The following SPOCK1 variants were observed in gnomAD, a reference collection of about 807,000 sequenced individuals.
The protein encoded by SPOCK1 is SPARC (osteonectin), cwcv and kazal like domains proteoglycan 1.
In SPOCK1, 23 loss-of-function variants were observed where a neutral mutation model predicts 55.3. The observed-to-expected ratio is 0.42, with a 90% CI of 0.30 to 0.59. The LOEUF (loss-of-function observed/expected upper bound fraction) is 0.59. Among genes scored for constraint, SPOCK1 ranks in the 20% least tolerant of loss-of-function variants. The pLI is 0.22. For synonymous variants in SPOCK1, 226 were observed against 221.0 expected (o/e 1.02, Z -0.20); for missense variants, 499 against 552.5 (o/e 0.90, Z 0.97).
At chr5:137,253,648 G>A (rs1756580493) in intron 3 of SPOCK1, among the ~76,000 whole-genome samples, 1 of 152,152 alleles carries the variant, frequency 6.6e-6, no homozygotes, top group Non-Finnish European at 1.5e-5. Flanking sequence ...CACATCCCAG[G>A]AGCGGTGTCT....
At chr5:137,374,453 C>T (rs1448584124) in intron 2 of SPOCK1, among the ~76,000 whole-genome samples, 2 of 152,194 alleles carry the variant, frequency 1.3e-5, no homozygotes, top group Admixed American at 6.5e-5. Flanking sequence ...TCTGCCATTC[C>T]CATGATGAGC....
chr5:137,089,565 C>T (rs1580744994), intron 5 of SPOCK1, among the ~76,000 whole-genome samples: 1 of 152,160 alleles, frequency 6.6e-6, no homozygotes, highest in South Asian at 2.1e-4. Context: ...AGCATCTCCT[C>T]AGTGACCTAG....
At chr5:137,418,264 C>T (rs1359331237) in intron 2 of SPOCK1, among the ~76,000 whole-genome samples, 16 of 151,952 alleles carry the variant, frequency 1.1e-4, no homozygotes, top group African/African-American at 3.6e-4. Flanking sequence ...GCAATAAACA[C>T]ACGTGTACAT....
At chr5:137,489,454 C>T (rs1265838402) in intron 2 of SPOCK1, among the ~76,000 whole-genome samples, 3 of 152,166 alleles carry the variant, frequency 2.0e-5, no homozygotes, top group African/African-American at 7.2e-5. Context: ...AAGCCCAGGA[C>T]ATTTGACCAC....
chr5:137,143,810 G>T (rs1428946779), intron 3 of SPOCK1, among the ~76,000 whole-genome samples: 2 of 152,170 alleles, frequency 1.3e-5, no homozygotes, highest in Admixed American at 1.3e-4. Flanking sequence ...ACCAAAGGAG[G>T]TAGCTGCTAT....
intron 4 of SPOCK1, among the ~76,000 whole-genome samples, chr5:137,116,687 T>C (rs982651396): frequency 2.6e-5 from 4 of 151,290 alleles, no homozygotes; most frequent in African/African-American, 4.9e-5. Context: ...TCCTAGGGCA[T>C]AGTCTATACT....
chr5:137,093,873 T>C (rs1369148615), intron 5 of SPOCK1, among the ~76,000 whole-genome samples: 1 of 151,920 alleles, frequency 6.6e-6, no homozygotes, highest in Non-Finnish European at 1.5e-5. Context: ...GGGAGCAGGG[T>C]GAGGACACCA....
chr5:137,107,501 T>C (rs1487469617), intron 5 of SPOCK1, among the ~76,000 whole-genome samples: 1 of 152,226 alleles, frequency 6.6e-6, no homozygotes, highest in African/African-American at 2.4e-5. Context: ...TTATCTTTTA[T>C]GGATTATGCT....
intron 3 of SPOCK1, among the ~76,000 whole-genome samples, chr5:137,163,656 T>C (rs191296701): frequency 8.3e-4 from 126 of 152,320 alleles, no homozygotes; most frequent in Non-Finnish European, 1.4e-3. Flanking sequence ...TTTGATGACA[T>C]AAAATAATTA....
At chr5:137,064,220 G>A (rs1341274774) in intron 6 of SPOCK1, among the ~76,000 whole-genome samples, 1 of 152,140 alleles carries the variant, frequency 6.6e-6, no homozygotes, top group East Asian at 1.9e-4. Context: ...TAGCTCATAA[G>A]CCCTCAGCCC....
intron 2 of SPOCK1, among the ~76,000 whole-genome samples, chr5:137,438,077 G>A (rs1396753024): frequency 1.3e-5 from 2 of 152,082 alleles, no homozygotes; most frequent in Admixed American, 1.3e-4. Context: ...CCATGTTTTA[G>A]CATATGTCAG....
At chr5:137,474,363 G>T (rs1287668067) in intron 2 of SPOCK1, among the ~76,000 whole-genome samples, 2 of 152,114 alleles carry the variant, frequency 1.3e-5, no homozygotes. Flanking sequence ...TTGGAATTAG[G>T]TTTCTCACTG....
chr5:137,266,743 T>G lies in SPOCK1; in HGVS notation c.232+267A>C, dbSNP rs547610524. On this transcript the variant is annotated intron_variant, in intron 3 of 10. Transcript: ENST00000394945. ...ACCATGTTAATTTGATAATCAAATT[T>G]CACTTTTTTTTTAAAACAAAACGAA... Among the ~76,000 whole-genome samples the G allele has an allele frequency of 2.0e-5, 3 of 146,440 alleles. No homozygotes were observed. The East Asian group carries it at 6.7e-4, about 33-fold the overall frequency.
At chr5:137,468,533 T>C (rs894374555) in intron 2 of SPOCK1, among the ~76,000 whole-genome samples, 1 of 152,218 alleles carries the variant, frequency 6.6e-6, no homozygotes, top group Non-Finnish European at 1.5e-5. Context: ...CCTGGGCTAA[T>C]ATACTTATGA....
intron 3 of SPOCK1, among the ~76,000 whole-genome samples, chr5:137,254,625 C>T (rs1756599927): frequency 6.6e-6 from 1 of 152,248 alleles, no homozygotes; most frequent in African/African-American, 2.4e-5. Flanking sequence ...GCATTTCCCA[C>T]CCGTGTAAAG....
intron 2 of SPOCK1, among the ~76,000 whole-genome samples, chr5:137,396,641 T>A (rs1481207269): frequency 1.3e-5 from 2 of 152,200 alleles, no homozygotes; most frequent in Non-Finnish European, 2.9e-5. Flanking sequence ...CAATGAACAT[T>A]CTCTGGTTAT....
At chr5:137,294,844 T>G (rs996628131) in intron 2 of SPOCK1, among the ~76,000 whole-genome samples, 1 of 152,224 alleles carries the variant, frequency 6.6e-6, no homozygotes. Context: ...ATATTTTTCC[T>G]TCAGATATCC....
At chr5:137,258,923 C>T (rs1282337759) in intron 3 of SPOCK1, among the ~76,000 whole-genome samples, 1 of 152,138 alleles carries the variant, frequency 6.6e-6, no homozygotes, top group Non-Finnish European at 1.5e-5. Context: ...TCCTGAGAGC[C>T]CTTTGTGAAG....
intron 5 of SPOCK1, among the ~76,000 whole-genome samples, chr5:137,094,765 T>C (rs1365833775): frequency 6.6e-6 from 1 of 152,226 alleles, no homozygotes; most frequent in African/African-American, 2.4e-5. Context: ...TTCACAAAAA[T>C]TTCTCAGTAG....
Sources: allele counts gnomAD v4.1 joint callset (sites outside exome capture counted in the v4.1 genomes callset), GRCh38; gene constraint gnomAD v4.1.1; transcripts MANE v1.5; gene names NCBI Gene and HGNC (gene_info 2026-07-23, HGNC 2026-07-21).